Variants in TMEM108 observed in about 807,000 individuals in gnomAD.
The protein encoded by TMEM108 is cancer/testis antigen 124.
A neutral mutation model predicts 35.1 loss-of-function variants in TMEM108; 12 were observed. The ratio of observed to expected loss-of-function variants is 0.34; its 90% confidence interval spans 0.22 to 0.55. TMEM108 has a LOEUF of 0.55. Ranked by LOEUF, TMEM108 falls within the 20% of genes least tolerant of loss-of-function variation. The probability of loss-of-function intolerance (pLI) is 0.89; values close to 1 mark genes in which losing one functional copy is unlikely to be tolerated. For synonymous variants in TMEM108, 287 were observed against 308.6 expected, an observed-to-expected ratio of 0.93 and a Z score of 0.73; for missense variants, 680 against 753.3, an observed-to-expected ratio of 0.90 and a Z score of 1.14.
At chr3:133,324,668 G>A (rs1032988071) in intron 3 of TMEM108, among the ~76,000 whole-genome samples, 1 of 152,184 alleles carries the variant, frequency 6.6e-6, no homozygotes, top group Admixed American at 6.6e-5. Context: ...TCACTACTGG[G>A]TATCCACCCA....
At chr3:133,060,658 T>C (rs750004819) in intron 2 of TMEM108, among the ~76,000 whole-genome samples, 23 of 152,202 alleles carry the variant, frequency 1.5e-4, no homozygotes, top group Non-Finnish European at 2.8e-4. Context: ...ATTCAACTTC[T>C]AGTATTTGTC....
chr3:133,347,871 C>T (rs944588093), intron 3 of TMEM108, among the ~76,000 whole-genome samples: 2 of 151,962 alleles, frequency 1.3e-5, no homozygotes, highest in African/African-American at 4.8e-5. Flanking sequence ...TATAAAGCCT[C>T]ACTGCAAGAA....
intron 2 of TMEM108, among the ~76,000 whole-genome samples, chr3:133,220,026 T>G (rs945311602): frequency 6.6e-5 from 10 of 151,846 alleles, no homozygotes; most frequent in Non-Finnish European, 8.8e-5. Flanking sequence ...AATTGTTATA[T>G]CCTCTTGATG....
intron 2 of TMEM108, among the ~76,000 whole-genome samples, chr3:133,073,510 C>CTCTATATATATATA: frequency 3.1e-3 from 135 of 43,842 alleles, no homozygotes; most frequent in Non-Finnish European, 4.7e-3. Flanking sequence ...CTCTCTCTCT[C>CTCTATATATATATA]TATATATATA....
At chr3:133,322,044 G>T (rs1440240515) in intron 3 of TMEM108, among the ~76,000 whole-genome samples, 1 of 152,148 alleles carries the variant, frequency 6.6e-6, no homozygotes, top group East Asian at 1.9e-4. Flanking sequence ...TAAGAGGAAA[G>T]TTCATAGCAT....
intron 3 of TMEM108, among the ~76,000 whole-genome samples, chr3:133,248,809 G>GA (rs1946423470): frequency 6.6e-6 from 1 of 152,142 alleles, no homozygotes; most frequent in Non-Finnish European, 1.5e-5. Context: ...TGTATTTTTA[G>GA]AAGTCTTGGA....
intron 3 of TMEM108, among the ~76,000 whole-genome samples, chr3:133,358,681 T>A (rs2072251944): frequency 6.6e-6 from 1 of 152,098 alleles, no homozygotes; most frequent in Non-Finnish European, 1.5e-5. Flanking sequence ...ATTCTGCTCT[T>A]GGAAGTTTTT....
At chr3:133,147,154 C>T (rs905774699) in intron 2 of TMEM108, among the ~76,000 whole-genome samples, 4 of 152,088 alleles carry the variant, frequency 2.6e-5, no homozygotes, top group Non-Finnish European at 5.9e-5. Flanking sequence ...GATTCTGTTA[C>T]GTTGTGTCTT....
At chr3:133,320,705 A>G (rs1011272910) in intron 3 of TMEM108, among the ~76,000 whole-genome samples, 2 of 152,242 alleles carry the variant, frequency 1.3e-5, no homozygotes, top group Non-Finnish European at 2.9e-5. Flanking sequence ...GTCATCACCC[A>G]GGTGCGTAAT....
chr3:133,381,950 TCTC>T (rs1332379934), intron 4 of TMEM108, among the ~76,000 whole-genome samples: 9 of 152,074 alleles, frequency 5.9e-5, no homozygotes, highest in Non-Finnish European at 1.3e-4. Flanking sequence ...GCCACCAGCT[TCTC>T]CTTGCTGCTG....
intron 2 of TMEM108, among the ~76,000 whole-genome samples, chr3:133,144,385 G>A (rs966512184): frequency 2.6e-5 from 4 of 152,128 alleles, no homozygotes; most frequent in Non-Finnish European, 5.9e-5. Context: ...AGGGGCATTT[G>A]GGTTGGTTCC....
intron 3 of TMEM108, among the ~76,000 whole-genome samples, chr3:133,365,738 C>A (rs2072484534): frequency 6.6e-6 from 1 of 152,162 alleles, no homozygotes; most frequent in Non-Finnish European, 1.5e-5. Context: ...TTGGGCTCAA[C>A]TCAGAGTCAG....
At chr3:133,164,624 G>C (rs1033752770) in intron 2 of TMEM108, among the ~76,000 whole-genome samples, 1 of 152,160 alleles carries the variant, frequency 6.6e-6, no homozygotes, top group Non-Finnish European at 1.5e-5. Context: ...CATGAATCCT[G>C]TGTACCAGAC....
chr3:133,341,701 C>T (rs2071665818), intron 3 of TMEM108, among the ~76,000 whole-genome samples: 2 of 151,702 alleles, frequency 1.3e-5, no homozygotes, highest in Admixed American at 1.3e-4. Flanking sequence ...ATCAGTGGAA[C>T]AGAATAGAGA....
chr3:133,295,964 T>A (rs1285186007), intron 3 of TMEM108, among the ~76,000 whole-genome samples: 1 of 152,186 alleles, frequency 6.6e-6, no homozygotes, highest in African/African-American at 2.4e-5. Flanking sequence ...CAACCTCTCT[T>A]ACTAACATGA....
intron 3 of TMEM108, among the ~76,000 whole-genome samples, chr3:133,339,558 C>G (rs2071601543): frequency 6.6e-6 from 1 of 151,858 alleles, no homozygotes; most frequent in Non-Finnish European, 1.5e-5. Context: ...GACAGAAAAT[C>G]AACAAAGAGA....
intron 2 of TMEM108, among the ~76,000 whole-genome samples, chr3:133,225,036 C>T (rs1405920755): frequency 1.5e-5 from 2 of 135,954 alleles, no homozygotes; most frequent in African/African-American, 5.5e-5. Context: ...AAACTCAAAC[C>T]TCCTAATTTT....
intron 2 of TMEM108, among the ~76,000 whole-genome samples, chr3:133,151,475 G>A (rs1333948473): frequency 1.3e-5 from 2 of 152,076 alleles, no homozygotes; most frequent in African/African-American, 4.8e-5. Flanking sequence ...AGTCACCTTT[G>A]CTATGAAGCA....
At chr3:133,395,628 A>G (rs2073294113) in intron 5 of TMEM108, among the ~76,000 whole-genome samples, 1 of 152,166 alleles carries the variant, frequency 6.6e-6, no homozygotes, top group East Asian at 1.9e-4. Flanking sequence ...GAAAGCTGCT[A>G]TAAAAATATG....
Sources: allele counts gnomAD v4.1 joint callset (sites outside exome capture counted in the v4.1 genomes callset), GRCh38; gene constraint gnomAD v4.1.1; transcripts MANE v1.5; gene names NCBI Gene and HGNC (gene_info 2026-07-23, HGNC 2026-07-21).